Variants in MAP7D2 observed in about 807,000 individuals in gnomAD.
MAP7D2 encodes the protein MAP7 domain-containing protein 2.
MAP7D2 carries 33 observed loss-of-function variants against 63.5 expected under a neutral mutation model. The ratio of observed to expected loss-of-function variants is 0.52; its 90% CI spans 0.39 to 0.70. The LOEUF (loss-of-function observed/expected upper bound fraction) is 0.70, where lower values mean the gene tolerates loss of function less well. MAP7D2 is among the 30% of genes least tolerant of loss of function. The probability of loss-of-function intolerance (pLI) is 0.00; values close to 1 mark genes in which losing one functional copy is unlikely to be tolerated. For missense variants in MAP7D2, 626 were observed against 604.0 expected, an observed-to-expected ratio of 1.04 and a Z score of -0.38; for synonymous variants, 224 against 223.7, an observed-to-expected ratio of 1.00 and a Z score of -0.01.
At chrX:20,072,163 T>G (rs1451651225) in intron 1 of MAP7D2, among the ~76,000 whole-genome samples, 1 of 111,503 alleles carries the variant, frequency 9.0e-6, no homozygotes, top group Admixed American at 9.6e-5. Context: ...TAAGGCATCT[T>G]TGTACCCATT....
chrX:20,079,467 G>A (rs997850725), intron 1 of MAP7D2, among the ~76,000 whole-genome samples: 4 of 111,583 alleles, frequency 3.6e-5, no homozygotes, highest in Non-Finnish European at 7.5e-5. Context: ...AGCTACAAAT[G>A]CCCCAAAGGC....
chrX:20,011,277 T>C (rs1017196530), intron 15 of MAP7D2, among the ~76,000 whole-genome samples: 1 of 106,161 alleles, frequency 9.4e-6, no homozygotes, highest in South Asian at 3.8e-4. Context: ...GGGAAGCAGA[T>C]TGAGCAGGGC....
intron 8 of MAP7D2, among the ~76,000 whole-genome samples, chrX:20,033,414 T>C (rs2074112522): frequency 8.9e-6 from 1 of 112,144 alleles, no homozygotes; most frequent in African/African-American, 3.2e-5. Flanking sequence ...ACAAATCCAC[T>C]TGGCCACACT....
intron 1 of MAP7D2, among the ~76,000 whole-genome samples, chrX:20,098,374 GCAAA>G (rs1024286910): frequency 8.9e-6 from 1 of 112,396 alleles, no homozygotes; most frequent in African/African-American, 3.2e-5. Flanking sequence ...GACAATTTGT[GCAAA>G]CAGTTAGAGA....
At chrX:20,065,588 G>C (rs1299046095) in intron 1 of MAP7D2, among the ~76,000 whole-genome samples, 2 of 111,356 alleles carry the variant, frequency 1.8e-5, no homozygotes, top group East Asian at 2.8e-4. Flanking sequence ...AGGAGCCAAC[G>C]TATGAGCTCC....
Position 20,108,350 on chromosome X carries a change from G to A in MAP7D2, c.130+8400C>T, listed in dbSNP as rs958282415. Among the ~76,000 whole-genome samples the A allele has an allele frequency of 3.7e-5, 4 of 109,027 alleles. No homozygotes were observed. The Admixed American group carries it at 3.9e-4, about 11-fold the overall frequency. 94.7% of individuals were successfully genotyped at this position (109,027 alleles called of 115,157 possible). On this transcript the variant is annotated intron_variant, in intron 1 of 16. Transcript: ENST00000379643. ...CCCTGGTTCAAGCGATTCTCGTGCC[G>A]CCGCTTCCCGAGTAACTGGGACTAC...
At position 20,075,599 on chromosome X, in the gene MAP7D2, AGT is replaced by A. The variant is rs1462178144; in HGVS notation, c.131-10796_131-10795del. 2.0e-4 allele frequency among the ~76,000 whole-genome samples: 22 copies of A among 111,159 alleles called. No homozygotes were observed. In the South Asian group the frequency reaches 8.3e-3, roughly 42 times the overall value. ...GGAAGGTACAGTGTGTGGGTGTGTC[AGT>A]GTGTGTGTGCACAAATAATACTGGG... On this transcript the variant is annotated intron_variant, in intron 1 of 16. Transcript: ENST00000379643.
intron 3 of MAP7D2, among the ~76,000 whole-genome samples, chrX:20,059,508 T>C (rs2065142386): frequency 9.1e-6 from 1 of 110,319 alleles, no homozygotes; most frequent in Non-Finnish European, 1.9e-5. Context: ...TATCATCTGA[T>C]GATCAACAGA....
chrX:20,074,471 G>GTA (rs2065593932), intron 1 of MAP7D2, among the ~76,000 whole-genome samples: 1 of 111,934 alleles, frequency 8.9e-6, no homozygotes, highest in Non-Finnish European at 1.9e-5. Flanking sequence ...TTGCATGAGG[G>GTA]TATATTGTTT....
chrX:20,081,687 C>T (rs1027136538), intron 1 of MAP7D2, among the ~76,000 whole-genome samples: 2 of 106,973 alleles, frequency 1.9e-5, no homozygotes, highest in African/African-American at 6.9e-5. Flanking sequence ...GAGTCTCACT[C>T]GGTCGCCTAG....
At chrX:20,107,790 C>T (rs1312336427) in intron 1 of MAP7D2, among the ~76,000 whole-genome samples, 1 of 111,284 alleles carries the variant, frequency 9.0e-6, no homozygotes, top group Non-Finnish European at 1.9e-5. Flanking sequence ...TTTTCCTAGA[C>T]GCCAGGCCCA....
Position 20,080,815 on chromosome X carries a change from G to A in MAP7D2, c.131-16010C>T, listed in dbSNP as rs1419340869. 3.6e-5 allele frequency among the ~76,000 whole-genome samples: 4 copies of A among 111,892 alleles called. No homozygotes were observed. In the Admixed American group the frequency reaches 3.8e-4, roughly 11 times the overall value. The stretch of plus-strand genomic sequence containing the variant: ...ACAGGAGGAGGGAAAAGAGGGAACT[G>A]CTCAGTACACTATGCGCTACACAAG... On this transcript the variant is annotated intron_variant, in intron 1 of 16. Coordinates refer to ENST00000379643, the MANE Select transcript of MAP7D2 (RefSeq NM_001168465.2).
rs2064584022 is a variant in MAP7D2 at position 20,039,327 on chromosome X, T to C, written c.1007+3175A>G. 4.4e-5 allele frequency among the ~76,000 whole-genome samples: 5 copies of C among 112,546 alleles called. No homozygotes were observed. In the South Asian group the frequency reaches 1.9e-3, roughly 42 times the overall value. On this transcript the variant is annotated intron_variant, in intron 8 of 16. Transcript: ENST00000379643. Reference sequence around the variant, plus strand: ...ATGAAGAAACTATTGTCATTTCCTTTCTCTTTCCTTTATCATGTGACATAA... The same window carrying C: ...ATGAAGAAACTATTGTCATTTCCTTCCTCTTTCCTTTATCATGTGACATAA...
intron 1 of MAP7D2, among the ~76,000 whole-genome samples, chrX:20,108,871 T>C (rs1312511133): frequency 9.1e-6 from 1 of 110,464 alleles, no homozygotes; most frequent in East Asian, 2.8e-4. Flanking sequence ...CAACACAGTG[T>C]CCTAAGGCAG....
At chrX:20,079,869 C>T (rs2065734388) in intron 1 of MAP7D2, among the ~76,000 whole-genome samples, 1 of 111,319 alleles carries the variant, frequency 9.0e-6, no homozygotes, top group African/African-American at 3.3e-5. Context: ...CATAAAACTA[C>T]TCCAGGAAAC....
intron 8 of MAP7D2, among the ~76,000 whole-genome samples, chrX:20,027,901 T>C (rs2073924771): frequency 9.1e-6 from 1 of 109,387 alleles, no homozygotes; most frequent in Admixed American, 9.7e-5. Context: ...CATGGTGACC[T>C]TGAGGCTCCT....
intron 1 of MAP7D2, among the ~76,000 whole-genome samples, chrX:20,073,144 T>C (rs1265538913): frequency 1.8e-5 from 2 of 111,735 alleles, no homozygotes; most frequent in Admixed American, 9.6e-5. Flanking sequence ...TCTGCGGCCT[T>C]CTCCCAAATC....
At chrX:20,013,663 G>T in intron 12 of MAP7D2, 38 bp from the exon 13 acceptor site, 1 of 976,266 alleles carries the variant, frequency 1.0e-6, no homozygotes, top group Non-Finnish European at 1.4e-6. Flanking sequence ...CAAGTAAGAG[G>T]ACAATAAGAC....
At chrX:20,085,874 G>A (rs1383169464) in intron 1 of MAP7D2, among the ~76,000 whole-genome samples, 1 of 111,101 alleles carries the variant, frequency 9.0e-6, no homozygotes, top group Non-Finnish European at 1.9e-5. Context: ...AACATGCCCA[G>A]CTAATTTTTC....
Sources: allele counts gnomAD v4.1 joint callset (sites outside exome capture counted in the v4.1 genomes callset), GRCh38; gene constraint gnomAD v4.1.1; transcripts MANE v1.5; gene names NCBI Gene and HGNC (gene_info 2026-07-23, HGNC 2026-07-21).